Variants in SPA17 observed in about 807,000 individuals in gnomAD.
The protein encoded by SPA17 is sperm autoantigenic protein 17, also known as sperm surface protein Sp17.
A neutral mutation model predicts 13.8 loss-of-function variants in SPA17; 7 were observed. The observed-to-expected ratio is 0.51, with a 90% CI of 0.29 to 0.95. The LOEUF (loss-of-function observed/expected upper bound fraction) is 0.95, where lower values mean the gene tolerates loss of function less well. Among genes scored for constraint, SPA17 ranks in the 40% least tolerant of loss-of-function variants. The pLI, the probability that SPA17 is intolerant of heterozygous loss-of-function variation, is 0.08. For missense variants in SPA17, 170 were observed against 179.3 expected (o/e 0.95, Z 0.30); for synonymous variants, 61 against 59.0 (o/e 1.03, Z -0.16).
At chr11:124,687,337 G>T (rs1943586726) in intron 3 of SPA17, among the ~76,000 whole-genome samples, 1 of 152,032 alleles carries the variant, frequency 6.6e-6, no homozygotes. Context: ...CCCAGGACTG[G>T]ATGGTTTCAC....
chr11:124,674,705 C>G (rs1440324107), intron 1 of SPA17: 3 of 151,588 alleles, frequency 2.0e-5, no homozygotes, highest in African/African-American at 7.3e-5. Context: ...CACACGCACG[C>G]ACAACCCCAT....
intron 3 of SPA17, among the ~76,000 whole-genome samples, chr11:124,682,581 G>T (rs1368482168): frequency 6.6e-6 from 1 of 151,854 alleles, no homozygotes; most frequent in African/African-American, 2.4e-5. Context: ...TGGAATTGAA[G>T]AATTTATTGA....
intron 2 of SPA17, among the ~76,000 whole-genome samples, chr11:124,676,785 A>G (rs1428709446): frequency 3.9e-5 from 6 of 152,220 alleles, no homozygotes; most frequent in Non-Finnish European, 8.8e-5. Context: ...ACTACCTATC[A>G]GGCATTATGC....
intron 2 of SPA17, 71 bp from the exon 3 acceptor site, chr11:124,681,318 T>G: frequency 1.6e-6 from 2 of 1,252,996 alleles, no homozygotes; most frequent in Non-Finnish European, 2.2e-6. Flanking sequence ...AAACTTACAT[T>G]TGTGTCACTA....
intron 1 of SPA17, 31 bp downstream of exon 1, chr11:124,673,983 A>G (rs1189768363): frequency 1.9e-6 from 1 of 524,340 alleles, no homozygotes; most frequent in Non-Finnish European, 3.4e-6. Context: ...CCTCTCCGAT[A>G]CCAAGACCTA....
At chr11:124,693,496 A>ATG (rs1565427049) in intron 4 of SPA17, among the ~76,000 whole-genome samples, 2 of 151,974 alleles carry the variant, frequency 1.3e-5, no homozygotes. Flanking sequence ...ATATATATAT[A>ATG]TATATACCCA....
At chr11:124,691,099 G>C (rs1943619763) in intron 3 of SPA17, among the ~76,000 whole-genome samples, 1 of 151,950 alleles carries the variant, frequency 6.6e-6, no homozygotes, top group Admixed American at 6.6e-5. Context: ...TTAAATTTTG[G>C]TTTTATGGGT....
chr11:124,681,152 G>A (rs12364115), intron 2 of SPA17, among the ~76,000 whole-genome samples: 15 of 152,104 alleles, frequency 9.9e-5, no homozygotes, highest in South Asian at 2.1e-4. Context: ...CAGAAATTAC[G>A]TTTTTAGTGC....
Position 124,697,254 on chromosome 11 carries a change from G to C in SPA17, c.*2808G>C, listed in dbSNP as rs978543401. 3 of 152,214 alleles carry C rather than the reference G, an allele frequency of 2.0e-5. No individual in the cohort carries two copies. The highest frequency in any genetic ancestry group is 2.1e-4 in the South Asian group (1 of 4,834). The allele number at this position is 152,214 out of a possible 1,614,324, so 9.4% of individuals were successfully genotyped here. On this transcript the variant is annotated 3_prime_UTR_variant, in exon 5 of 5. Transcript: ENST00000227135. ...AATTATATTTTCTCCTGGGTCTGTA[G>C]GTCAGTGGTAATGTAGCTAAGCTAG...
In SPA17 at chr11:124,681,376, T is replaced by C. The variant is rs759116778; in HGVS notation, c.155-13T>C. On this transcript the variant is annotated splice_polypyrimidine_tract_variant and intron_variant, in intron 2 of 4. Coordinates refer to ENST00000227135, the MANE Select transcript of SPA17 (RefSeq NM_017425.4). ...TCAAATAAATCTGAAGTTCTTATAT[T>C]TTTATTATTTAGAAACCAACTTTGA... is the stretch of plus-strand genomic sequence containing the variant. The C allele has an allele frequency of 2.6e-6, 4 of 1,566,510 alleles. No homozygotes were observed. In the African/African-American group the frequency reaches 5.5e-5, roughly 21 times the overall value.
In SPA17 at chr11:124,675,259, A is replaced by G. The variant is rs746800846; in HGVS notation, c.-6A>G. 2 of 1,610,980 alleles carry G rather than the reference A, an allele frequency of 1.2e-6. No homozygotes were observed. Among genetic ancestry groups the G allele is most frequent in the Admixed American group, 1.7e-5 (1 of 59,234 alleles). ...TTAGGTTCCATAGGCAGTTCTTACCAAGAAGATGTCGATTCCATTCTCCAA... is the reference window on the plus strand; with the variant it reads ...TTAGGTTCCATAGGCAGTTCTTACCGAGAAGATGTCGATTCCATTCTCCAA... On this transcript the variant is annotated 5_prime_UTR_variant, in exon 2 of 5. Coordinates refer to ENST00000227135, the MANE Select transcript of SPA17 (RefSeq NM_017425.4).
intron 3 of SPA17, among the ~76,000 whole-genome samples, chr11:124,689,597 G>A (rs1943606492): frequency 1.3e-5 from 2 of 152,052 alleles, no homozygotes; most frequent in East Asian, 1.9e-4. Context: ...ATTAGCATGC[G>A]CAACATGGTG....
At chr11:124,676,307 G>C (rs1009333074) in intron 2 of SPA17, 2 of 152,180 alleles carry the variant, frequency 1.3e-5, no homozygotes, top group East Asian at 3.8e-4. Flanking sequence ...GCACTCCCAC[G>C]ACCCCTGCCC....
At chr11:124,674,053 G>A (rs1412296346) in intron 1 of SPA17, 101 bp downstream of exon 1, 1 of 285,626 alleles carries the variant, frequency 3.5e-6, no homozygotes, top group Non-Finnish European at 6.7e-6. Context: ...CGGAGCCCTG[G>A]GCCGTTTGGG....
chr11:124,688,608 C>T (rs1943596803), intron 3 of SPA17, among the ~76,000 whole-genome samples: 2 of 152,194 alleles, frequency 1.3e-5, no homozygotes, highest in Non-Finnish European at 2.9e-5. Flanking sequence ...GGAAAAGCAT[C>T]ACAGGCTCAT....
intron 4 of SPA17, 72 bp downstream of exon 4, chr11:124,691,854 A>G: frequency 1.1e-6 from 1 of 898,930 alleles, no homozygotes; most frequent in Non-Finnish European, 1.7e-6. Context: ...ACTGAACTCC[A>G]AATATGAATG....
chr11:124,687,515 TA>T (rs1255806158), intron 3 of SPA17, among the ~76,000 whole-genome samples: 1 of 152,050 alleles, frequency 6.6e-6, no homozygotes, highest in African/African-American at 2.4e-5. Context: ...AAACTGCAGA[TA>T]AATATTCCTG....
At chr11:124,686,190 T>TGG (rs60389113) in intron 3 of SPA17, among the ~76,000 whole-genome samples, 3,136 of 74,670 alleles carry the variant, frequency 0.042, 92 homozygotes, top group African/African-American at 0.085. Context: ...GAATCATGGG[T>TGG]GGGGGGGGGG....
intron 3 of SPA17, among the ~76,000 whole-genome samples, chr11:124,685,857 G>T (rs944806853): frequency 1.3e-5 from 2 of 152,174 alleles, no homozygotes; most frequent in African/African-American, 4.8e-5. Context: ...TTTGGAGCAG[G>T]TGTATTTACC....
Sources: allele counts gnomAD v4.1 joint callset (sites outside exome capture counted in the v4.1 genomes callset), GRCh38; gene constraint gnomAD v4.1.1; transcripts MANE v1.5; gene names NCBI Gene and HGNC (gene_info 2026-07-23, HGNC 2026-07-21).